The following PDZD2 variants were observed in gnomAD, a reference collection of about 807,000 sequenced individuals.
PDZD2 encodes PDZ domain containing 2.
In PDZD2, 90 loss-of-function variants were observed where a neutral mutation model predicts 220.7. The observed-to-expected ratio is 0.41, with a 90% CI of 0.34 to 0.49. The LOEUF (loss-of-function observed/expected upper bound fraction) is 0.49, where lower values mean the gene tolerates loss of function less well. Ranked by LOEUF, PDZD2 falls within the 20% of genes least tolerant of loss-of-function variation. The pLI is 0.28. For synonymous variants in PDZD2, 1,375 were observed against 1,450.5 expected (o/e 0.95, Z 1.18); for missense variants, 3,174 against 3,608.5 (o/e 0.88, Z 3.08).
At chr5:31,753,823 T>C (rs11748331) in intron 1 of PDZD2, among the ~76,000 whole-genome samples, 12,475 of 152,228 alleles carry the variant, frequency 0.082, 635 homozygotes, top group African/African-American at 0.13. Flanking sequence ...ACAGAGGTGT[T>C]AGGCCTTCTC....
intron 1 of PDZD2, among the ~76,000 whole-genome samples, chr5:31,737,459 A>C (rs1228382776): frequency 6.6e-6 from 1 of 152,052 alleles, no homozygotes; most frequent in Non-Finnish European, 1.5e-5. Context: ...GGCGTGAGCT[A>C]CCGCGCCCGG....
chr5:31,794,729 A>AT (rs1031370849), intron 1 of PDZD2, among the ~76,000 whole-genome samples: 6 of 151,820 alleles, frequency 4.0e-5, no homozygotes, highest in Non-Finnish European at 8.8e-5. Flanking sequence ...CTTTTAAAAA[A>AT]TTTTTTTTTA....
intron 1 of PDZD2, among the ~76,000 whole-genome samples, chr5:31,738,858 G>C (rs766510414): frequency 1.1e-4 from 16 of 151,818 alleles, no homozygotes; most frequent in Non-Finnish European, 1.8e-4. Context: ...GGAAGACTAA[G>C]GGGCAAATAC....
intron 2 of PDZD2, among the ~76,000 whole-genome samples, chr5:31,817,019 T>C (rs909453272): frequency 2.0e-5 from 3 of 151,286 alleles, no homozygotes; most frequent in Non-Finnish European, 4.4e-5. Flanking sequence ...CCGTGTCTAC[T>C]AAAAATACAA....
chr5:31,863,396 G>A (rs1296570756), intron 2 of PDZD2, among the ~76,000 whole-genome samples: 1 of 152,224 alleles, frequency 6.6e-6, no homozygotes, highest in East Asian at 1.9e-4. Context: ...CACTTGAAAT[G>A]TGCATCCCTG....
chr5:32,048,589 C>T lies in PDZD2; in HGVS notation c.1570C>T (p.Arg524Trp), dbSNP rs367975237. ...SVEEYNELMV[R>W]NGDPRIRMLE... ...TGAAGAATATAACGAGCTGATGGTG[C>T]GGAATGGGGACCCCCGGATCCGGAT... Residue 524 changes from arginine (R) to tryptophan (W), a missense_variant, in exon 8 of 25, where the codon CGG (arginine) becomes TGG (tryptophan). Coordinates refer to ENST00000438447, the MANE Select transcript of PDZD2 (RefSeq NM_178140.4). The T allele has an allele frequency of 3.8e-5, 62 of 1,613,480 alleles. No homozygotes were observed. The highest frequency in any genetic ancestry group is 1.6e-4 in the Middle Eastern group (1 of 6,084).
At chr5:31,926,131 G>T (rs959803187) in intron 2 of PDZD2, among the ~76,000 whole-genome samples, 4 of 151,908 alleles carry the variant, frequency 2.6e-5, no homozygotes, top group Admixed American at 2.6e-4. Flanking sequence ...TGTGGCAGGG[G>T]ATCCCTTGAG....
chr5:31,819,650 C>CT (rs1402263785), intron 2 of PDZD2, among the ~76,000 whole-genome samples: 1 of 86,052 alleles, frequency 1.2e-5, no homozygotes, highest in African/African-American at 5.9e-5. Flanking sequence ...GAGCAAGACT[C>CT]TGTCTCAAAA....
rs1044011836 is a variant in PDZD2 at position 32,108,228 on chromosome 5, G to T, written c.*93G>T. 2.6e-5 allele frequency: 20 copies of T among 773,478 alleles called. No homozygotes were observed. Among genetic ancestry groups the T allele is most frequent in the Admixed American group, 7.9e-5 (3 of 38,120 alleles). The allele number at this position is 773,478 out of a possible 1,614,324, so 47.9% of individuals were successfully genotyped here. ...ACAGGTTGTTGAAATGGCCAACACT[G>T]GTACAGACACGGACTATAAAAATCT... On this transcript the variant is annotated 3_prime_UTR_variant, in exon 25 of 25. Transcript: ENST00000438447.
At position 32,087,562 on chromosome 5, in the gene PDZD2, A is replaced by G; in HGVS notation, c.4114A>G (p.Ser1372Gly). 6.2e-7 allele frequency: 1 copy of G among 1,613,848 alleles called. No homozygotes were observed. The stretch of plus-strand genomic sequence containing the variant: ...AATGACAGGAATCCATGCACCTGAA[A>G]GCTCCCAGGAGCCTTCCCTGCTGGA... ...LEMTGIHAPE[S>G]SQEPSLLEGA... The change falls in exon 20 of 25, where the codon AGC becomes GGC. Residue 1372 changes from serine (S) to glycine (G), a missense_variant. Ser to Gly is a moderately conservative substitution (Grantham distance 56). This residue lies in a region of PDZD2 where 1,861 missense variants were observed against 2,001.0 expected (regional missense o/e 0.93). Transcript: ENST00000438447. This position sits in a 1 kb window ranked among gnomAD's most constrained non-coding sequence, Gnocchi z 4.0.
rs1745319826 is a variant in PDZD2, at chr5:32,110,819, G to A, written c.*2684G>A. ...TATTAAAGAGTAAGTGCAATAATAT[G>A]AAATAGCCTGTACATTTTAAAAATG... is the stretch of plus-strand genomic sequence containing the variant. On this transcript the variant is annotated 3_prime_UTR_variant, in exon 25 of 25. Transcript: ENST00000438447. The A allele has an allele frequency of 6.6e-6, 1 of 152,372 alleles. No homozygotes were observed. The highest frequency in any genetic ancestry group is 2.1e-4 in the South Asian group (1 of 4,828). The allele number at this position is 152,372 out of a possible 1,614,324, so 9.4% of individuals were successfully genotyped here. A position where few individuals can be genotyped will look rare whatever the true frequency, so the allele number is the denominator to read the frequency against.
chr5:31,656,106 C>T (rs1369218770), intron 1 of PDZD2, among the ~76,000 whole-genome samples: 3 of 152,184 alleles, frequency 2.0e-5, no homozygotes, highest in African/African-American at 4.8e-5. Flanking sequence ...GTTGAGCATC[C>T]GACTTTTGTC....
chr5:31,773,097 C>T (rs1013399698), intron 1 of PDZD2, among the ~76,000 whole-genome samples: 2 of 152,156 alleles, frequency 1.3e-5, no homozygotes, highest in Non-Finnish European at 2.9e-5. Flanking sequence ...GTAACACCAA[C>T]ATTCACCCGA....
chr5:31,856,400 C>T (rs1209006565), intron 2 of PDZD2, among the ~76,000 whole-genome samples: 1 of 151,998 alleles, frequency 6.6e-6, no homozygotes, highest in Non-Finnish European at 1.5e-5. Context: ...AAAAAGAGTT[C>T]TCAGAGCGGG....
At chr5:31,686,686 G>A (rs972798493) in intron 1 of PDZD2, among the ~76,000 whole-genome samples, 46 of 152,178 alleles carry the variant, frequency 3.0e-4, no homozygotes, top group African/African-American at 1.0e-3. Context: ...ATTTCTTACC[G>A]AATATCCATA....
At chr5:32,019,115 G>C (rs920971387) in intron 6 of PDZD2, among the ~76,000 whole-genome samples, 5 of 148,912 alleles carry the variant, frequency 3.4e-5, no homozygotes, top group Admixed American at 2.0e-4. Context: ...TAAGTAAACA[G>C]CTCATGTCAT....
intron 2 of PDZD2, among the ~76,000 whole-genome samples, chr5:31,971,381 G>A (rs913168768): frequency 1.3e-5 from 2 of 152,154 alleles, no homozygotes; most frequent in Admixed American, 6.6e-5. Context: ...TTATTAGGTA[G>A]CTAATCCCAT....
intron 2 of PDZD2, among the ~76,000 whole-genome samples, chr5:31,883,794 GT>G (rs1268415985): frequency 2.4e-4 from 37 of 152,164 alleles, no homozygotes; most frequent in Non-Finnish European, 2.9e-5. Flanking sequence ...TAGGGGTGAG[GT>G]TTCGCTGTGT....
In PDZD2 at chr5:32,084,411, T is replaced by C. The variant is rs72761553; in HGVS notation, c.3683-2720T>C. 9.3e-3 allele frequency among the ~76,000 whole-genome samples: 1,421 copies of C among 152,338 alleles called. 11 individuals carry two copies. Among genetic ancestry groups the C allele is most frequent in the Non-Finnish European group, 0.014 (982 of 68,026 alleles). On this transcript the variant is annotated intron_variant, in intron 19 of 24. Coordinates refer to ENST00000438447, the MANE Select transcript of PDZD2 (RefSeq NM_178140.4). ...GTCCTCATCCTTCCAATGCAGATGG[T>C]CACAGGACATACCTCAGTGTTAGGA... is the stretch of plus-strand genomic sequence containing the variant.
Sources: allele counts gnomAD v4.1 joint callset (sites outside exome capture counted in the v4.1 genomes callset), GRCh38; gene constraint gnomAD v4.1.1; regional missense constraint gnomAD v4.1.1; non-coding constraint Gnocchi (gnomAD v3.1); transcripts MANE v1.5; gene names NCBI Gene and HGNC (gene_info 2026-07-23, HGNC 2026-07-21).